FCF1: variants seen among roughly 807,000 people sequenced by gnomAD.
FCF1 encodes FCF1 rRNA-processing protein.
Under a neutral mutation model 32.5 loss-of-function variants are expected in FCF1, and 17 were observed. That is an observed-to-expected ratio of 0.52 (90% CI 0.36 to 0.78). FCF1 has a LOEUF of 0.78. Ranked by LOEUF, FCF1 falls within the 30% of genes least tolerant of loss-of-function variation. The probability of loss-of-function intolerance (pLI) is 0.00; values close to 1 mark genes in which losing one functional copy is unlikely to be tolerated. For missense variants in FCF1, 201 were observed against 241.1 expected, an observed-to-expected ratio of 0.83 and a Z score of 1.10; for synonymous variants, 84 against 78.4, an observed-to-expected ratio of 1.07 and a Z score of -0.38.
At chr14:74,726,338 T>C (rs2140032701) in intron 5 of FCF1, among the ~76,000 whole-genome samples, 1 of 151,818 alleles carries the variant, frequency 6.6e-6, no homozygotes, top group East Asian at 1.9e-4. Context: ...CATTTTAAAA[T>C]TAGCCAGGCA....
chr14:74,717,636 TA>T (rs1199102062), intron 4 of FCF1, among the ~76,000 whole-genome samples: 1 of 152,198 alleles, frequency 6.6e-6, no homozygotes, highest in African/African-American at 2.4e-5. Flanking sequence ...GGTGACCCCA[TA>T]TGGGGGAAGA....
chr14:74,721,642 G>A (rs1017318230), intron 4 of FCF1, among the ~76,000 whole-genome samples: 22 of 152,044 alleles, frequency 1.4e-4, no homozygotes, highest in Middle Eastern at 3.4e-3. Flanking sequence ...CAGAGATTAC[G>A]CCACTGCACT....
intron 5 of FCF1, among the ~76,000 whole-genome samples, chr14:74,727,681 C>G (rs1257824809): frequency 1.3e-5 from 2 of 152,026 alleles, no homozygotes; most frequent in African/African-American, 4.8e-5. Context: ...AAGTCCTTGC[C>G]CATGCCTATG....
Position 74,716,017 on chromosome 14 carries a change from C to T in FCF1, c.210C>T (p.Leu70=), listed in dbSNP as rs757245571. Residue 70 remains leucine, a synonymous_variant, in exon 4 of 8, where the codon CTC becomes CTT. Coordinates refer to ENST00000341162, the MANE Select transcript of FCF1 (RefSeq NM_015962.5). The stretch of plus-strand genomic sequence containing the variant: ...AGCTGGGCCCACCTTACCACATCCT[C>T]GTTGATACCAACTTTATCAACTTTT... ...NTQLGPPYHI[L]VDTNFINFSI... 4.3e-6 allele frequency: 7 copies of T among 1,613,772 alleles called. No homozygotes were observed. The highest frequency in any genetic ancestry group is 1.7e-4 in the Middle Eastern group (1 of 6,060).
chr14:74,725,070 A>G (rs983199488), intron 5 of FCF1, among the ~76,000 whole-genome samples: 1 of 53,042 alleles, frequency 1.9e-5, no homozygotes, highest in Non-Finnish European at 5.6e-5. Flanking sequence ...GGGTTCTGGT[A>G]AAAAAAAAAA....
chr14:74,733,247 C>T (rs1219619086), intron 6 of FCF1, among the ~76,000 whole-genome samples: 1 of 152,192 alleles, frequency 6.6e-6, no homozygotes, highest in Non-Finnish European at 1.5e-5. Flanking sequence ...CTGAGAGTCT[C>T]CCAAGATGCT....
intron 5 of FCF1, 142 bp downstream of exon 5, chr14:74,723,486 C>G: frequency 1.7e-6 from 1 of 593,294 alleles, no homozygotes; most frequent in Non-Finnish European, 3.0e-6. Context: ...TTTGGTCTTT[C>G]TCTCACACAA....
chr14:74,738,298 TGCACCCACCCTA>T lies in FCF1; in HGVS notation c.*3369_*3380del, dbSNP rs2090724786. 1.3e-5 allele frequency: 2 copies of T among 152,160 alleles called. No homozygotes were observed. The highest frequency in any genetic ancestry group is 4.8e-5 in the African/African-American group (2 of 41,450). The allele number at this position is 152,160 out of a possible 1,614,324, so 9.4% of individuals were successfully genotyped here. A position where few individuals can be genotyped will look rare whatever the true frequency, so the allele number is the denominator to read the frequency against. On this transcript the variant is annotated 3_prime_UTR_variant, in exon 8 of 8. Coordinates refer to ENST00000341162, the MANE Select transcript of FCF1 (RefSeq NM_015962.5). ...TATTGGGATTATGGGCATGAGCCAC[TGCACCCACCCTA>T]AACTTATTTCTAAGCTATGGAAGCA...
At chr14:74,728,214 T>TA (rs1346152052) in intron 5 of FCF1, among the ~76,000 whole-genome samples, 1 of 152,214 alleles carries the variant, frequency 6.6e-6, no homozygotes, top group African/African-American at 2.4e-5. Context: ...ATTTTCACGA[T>TA]ATTGATTCTT....
At chr14:74,718,850 C>G (rs944586427) in intron 4 of FCF1, among the ~76,000 whole-genome samples, 4 of 152,018 alleles carry the variant, frequency 2.6e-5, no homozygotes, top group Non-Finnish European at 5.9e-5. Context: ...GACCCCATGT[C>G]TACACATAAT....
intron 4 of FCF1, among the ~76,000 whole-genome samples, chr14:74,718,392 G>A (rs2090450604): frequency 6.6e-6 from 1 of 152,094 alleles, no homozygotes; most frequent in East Asian, 1.9e-4. Context: ...TCAGTTGCAA[G>A]CCTTTGCTCA....
Position 74,735,021 on chromosome 14 carries a change from A to T in FCF1, c.*91A>T. ...CAAAATGTAGCGGGATTTTTAAGGA[A>T]TCAGAGAGACTGATGGAGTTCAGGG... On this transcript the variant is annotated 3_prime_UTR_variant, in exon 8 of 8. Coordinates refer to ENST00000341162, the MANE Select transcript of FCF1 (RefSeq NM_015962.5). 2 of 1,072,684 alleles carry T rather than the reference A, an allele frequency of 1.9e-6. No individual in the cohort carries two copies. Among genetic ancestry groups the T allele is most frequent in the Non-Finnish European group, 2.9e-6 (2 of 689,958 alleles). The allele number at this position is 1,072,684 out of a possible 1,614,324, so 66.4% of individuals were successfully genotyped here.
Position 74,734,771 on chromosome 14 carries a change from A to C in FCF1, c.549-111A>C. 3.7e-6 allele frequency: 3 copies of C among 817,804 alleles called. No homozygotes were observed. The Admixed American group carries it at 6.3e-5, about 17-fold the overall frequency. The allele number at this position is 817,804 out of a possible 1,614,324, so 50.7% of individuals were successfully genotyped here. A position where few individuals can be genotyped will look rare whatever the true frequency, so the allele number is the denominator to read the frequency against. The stretch of plus-strand genomic sequence containing the variant: ...ATGTTCCCCTAAATTGTTTCCACTG[A>C]CAAAAAGGATTCACAGTGGGGGTGA... On this transcript the variant is annotated intron_variant, in intron 7 of 7. Coordinates refer to ENST00000341162, the MANE Select transcript of FCF1 (RefSeq NM_015962.5).
chr14:74,731,565 CTCTT>C (rs912135758), intron 5 of FCF1, among the ~76,000 whole-genome samples: 2 of 152,168 alleles, frequency 1.3e-5, no homozygotes, highest in Non-Finnish European at 2.9e-5. Context: ...GCATTGGAGA[CTCTT>C]TCTAGCCCCA....
At chr14:74,715,075 A>G in intron 3 of FCF1, 132 bp downstream of exon 3, 1 of 867,482 alleles carries the variant, frequency 1.2e-6, no homozygotes, top group East Asian at 3.0e-5. Context: ...AGTCATATCG[A>G]TGAGCATATA....
At chr14:74,724,057 C>T (rs913668598) in intron 5 of FCF1, among the ~76,000 whole-genome samples, 1 of 152,076 alleles carries the variant, frequency 6.6e-6, no homozygotes, top group East Asian at 1.9e-4. Context: ...ATGAGCTTGA[C>T]AATGCCAAGA....
chr14:74,723,956 A>T (rs1481428131), intron 5 of FCF1, among the ~76,000 whole-genome samples: 1 of 152,240 alleles, frequency 6.6e-6, no homozygotes, highest in East Asian at 1.9e-4. Flanking sequence ...TTCAAAATGC[A>T]TAAAGAACTT....
chr14:74,713,201 G>A lies in FCF1; in HGVS notation c.3+1G>A. On this transcript the variant is annotated splice_donor_variant, in intron 1 of 7. Transcript: ENST00000341162. LOFTEE classifies it high-confidence loss of function. Reference sequence around the variant, plus strand: ...GAACCAGGAGTTTGGCGTGACCATGGTGAGAGAAGACGGTCCAAGAAGGGA... The same window carrying A: ...GAACCAGGAGTTTGGCGTGACCATGATGAGAGAAGACGGTCCAAGAAGGGA... 6.2e-7 allele frequency: 1 copy of A among 1,614,222 alleles called. No homozygotes were observed. Among genetic ancestry groups the A allele is most frequent in the South Asian group, 1.1e-5 (1 of 91,084 alleles).
At position 74,734,856 on chromosome 14, in the gene FCF1, C is replaced by T. The variant is rs368949945; in HGVS notation, c.549-26C>T. On this transcript the variant is annotated intron_variant, in intron 7 of 7. Transcript: ENST00000341162. ...TGGGTTCTCTTCCCATCTTTCTTAC[C>T]GGTGTTGATTTTTTGTCCTGATCAG... 7.5e-5 allele frequency: 120 copies of T among 1,603,884 alleles called. No individual in the cohort carries two copies. The East Asian group carries it at 1.1e-3, about 15-fold the overall frequency.
Sources: allele counts gnomAD v4.1 joint callset (sites outside exome capture counted in the v4.1 genomes callset), GRCh38; gene constraint gnomAD v4.1.1; transcripts MANE v1.5; gene names NCBI Gene and HGNC (gene_info 2026-07-23, HGNC 2026-07-21).